The following MAPK10 variants were observed in gnomAD, a reference collection of about 807,000 sequenced individuals.
MAPK10 encodes mitogen-activated protein kinase 10.
MAPK10 carries 25 observed loss-of-function variants against 59.3 expected under a neutral mutation model. The ratio of observed to expected loss-of-function variants is 0.42; its 90% CI spans 0.31 to 0.59. The LOEUF (loss-of-function observed/expected upper bound fraction) is 0.59, where lower values mean the gene tolerates loss of function less well. Among genes scored for constraint, MAPK10 ranks in the 20% least tolerant of loss-of-function variants. The pLI is 0.15. For missense variants in MAPK10, 351 were observed against 568.9 expected (o/e 0.62, Z 3.90); for synonymous variants, 190 against 200.5 (o/e 0.95, Z 0.44).
intron 2 of MAPK10, among the ~76,000 whole-genome samples, chr4:86,353,835 T>C (rs1393830892): frequency 2.0e-5 from 3 of 152,162 alleles, no homozygotes; most frequent in African/African-American, 7.2e-5. Context: ...ATTTGACAGA[T>C]TATAACTCGT....
chr4:86,447,609 T>G (rs937302232), intron 1 of MAPK10, among the ~76,000 whole-genome samples: 1 of 152,124 alleles, frequency 6.6e-6, no homozygotes, highest in African/African-American at 2.4e-5. Flanking sequence ...TCCTCCTTCC[T>G]CCTTCCAAGC....
At chr4:86,338,856 T>C (rs199665861) in intron 2 of MAPK10, among the ~76,000 whole-genome samples, 2 of 151,672 alleles carry the variant, frequency 1.3e-5, no homozygotes, top group Non-Finnish European at 2.9e-5. Flanking sequence ...TGTTTAGTGT[T>C]AACAAAATTT....
At chr4:86,118,640 C>T (rs1260307409) in intron 4 of MAPK10, among the ~76,000 whole-genome samples, 2 of 151,446 alleles carry the variant, frequency 1.3e-5, no homozygotes. Context: ...ATCTTGTTCT[C>T]AATATATTTA....
intron 1 of MAPK10, among the ~76,000 whole-genome samples, chr4:86,486,821 A>G (rs536681173): frequency 6.6e-6 from 1 of 152,332 alleles, no homozygotes; most frequent in Non-Finnish European, 1.5e-5. Context: ...GAAACCAAAC[A>G]ACATCTTGAT....
chr4:86,017,070 A>T lies in MAPK10; in HGVS notation c.*158T>A. 1 of 761,158 alleles carries T rather than the reference A, an allele frequency of 1.3e-6. No homozygotes were observed. Among genetic ancestry groups the T allele is most frequent in the South Asian group, 1.9e-5 (1 of 53,528 alleles). 47.2% of individuals were successfully genotyped at this position (761,158 alleles called of 1,614,324 possible). On this transcript the variant is annotated 3_prime_UTR_variant, in exon 14 of 14. Transcript: ENST00000641462. The surrounding 1 kb of genome is among the most constrained non-coding windows in gnomAD (Gnocchi z 4.4). ...CAATACAGAACCCTGGGGAAGAAGC[A>T]GGCTGAAAGATTTATTTAATTTTAG... is the stretch of plus-strand genomic sequence containing the variant.
At chr4:86,478,847 G>C (rs576804172) in intron 1 of MAPK10, among the ~76,000 whole-genome samples, 3 of 152,260 alleles carry the variant, frequency 2.0e-5, no homozygotes, top group Admixed American at 6.5e-5. Context: ...CAAGCCACTA[G>C]CCTGCCTCTT....
chr4:86,187,502 A>G (rs1408477776), intron 3 of MAPK10, among the ~76,000 whole-genome samples: 1 of 152,138 alleles, frequency 6.6e-6, no homozygotes, highest in African/African-American at 2.4e-5. Context: ...TTTCAATTTA[A>G]TATTTTGAGG....
At chr4:86,455,124 T>C (rs972636729), upstream of MAPK10, among the ~76,000 whole-genome samples, 3 of 152,094 alleles carry the variant, frequency 2.0e-5, no homozygotes, top group African/African-American at 7.2e-5. Context: ...CAAGAATTGC[T>C]AAAAGGAGGT....
At chr4:86,288,010 A>C (rs1445555694) in intron 2 of MAPK10, among the ~76,000 whole-genome samples, 1 of 152,168 alleles carries the variant, frequency 6.6e-6, no homozygotes, top group African/African-American at 2.4e-5. Flanking sequence ...AACATATGGA[A>C]AATGGTATGG....
intron 2 of MAPK10, among the ~76,000 whole-genome samples, chr4:86,199,410 TTTTG>T (rs896552212): frequency 6.6e-5 from 10 of 151,424 alleles, no homozygotes; most frequent in African/African-American, 2.4e-4. Context: ...CATCTCTTTT[TTTTG>T]TTATGTTATA....
In MAPK10 at chr4:86,309,302, A is replaced by G. The variant is rs554149361; in HGVS notation, c.-7+45228T>C. Among the ~76,000 whole-genome samples, 8 of 152,316 alleles carry G rather than the reference A, an allele frequency of 5.3e-5. No individual in the cohort carries two copies. In the East Asian group the frequency reaches 1.5e-3, roughly 29 times the overall value. On this transcript the variant is annotated intron_variant, in intron 2 of 13. Transcript: ENST00000641462. The stretch of plus-strand genomic sequence containing the variant: ...TCAGCGTGAATATCTCTGCCTTTCC[A>G]TCGCTGGGGCAGGCAAACCATGGTC...
chr4:86,261,693 A>T (rs547376974), intron 2 of MAPK10, among the ~76,000 whole-genome samples: 1 of 152,348 alleles, frequency 6.6e-6, no homozygotes, highest in African/African-American at 2.4e-5. Flanking sequence ...ATAGCTTTAG[A>T]CTTTTGTGAC....
chr4:86,579,497 G>A (rs1432527322), intron 1 of MAPK10, among the ~76,000 whole-genome samples: 1 of 141,126 alleles, frequency 7.1e-6, no homozygotes, highest in East Asian at 2.1e-4. Flanking sequence ...ATAAATACAA[G>A]CAAATATGGA....
intron 2 of MAPK10, among the ~76,000 whole-genome samples, chr4:86,315,154 A>G (rs2095754826): frequency 6.6e-6 from 1 of 152,110 alleles, no homozygotes; most frequent in African/African-American, 2.4e-5. Flanking sequence ...AAAGACAAAC[A>G]TCACATGTTC....
chr4:86,474,033 C>T lies in MAPK10; in HGVS notation c.-262-119389G>A, dbSNP rs189391545. The stretch of plus-strand genomic sequence containing the variant: ...CAACTTCGTCCCACATACATTTCCA[C>T]GCATATATATGTACTTTGTTATTCA... On this transcript the variant is annotated intron_variant, in intron 1 of 4. Coordinates refer to the MAPK10 transcript ENST00000502302. 4.5e-4 allele frequency among the ~76,000 whole-genome samples: 68 copies of T among 152,244 alleles called. No individual in the cohort carries two copies. The East Asian group carries it at 0.012, about 28-fold the overall frequency.
At chr4:86,540,286 A>T (rs181081685) in intron 1 of MAPK10, among the ~76,000 whole-genome samples, 1 of 152,334 alleles carries the variant, frequency 6.6e-6, no homozygotes, top group Admixed American at 6.5e-5. Flanking sequence ...AGATCCCTTG[A>T]GCTCAGGAGT....
intron 9 of MAPK10, among the ~76,000 whole-genome samples, chr4:86,070,466 G>C (rs1326287164): frequency 6.7e-6 from 1 of 148,434 alleles, no homozygotes; most frequent in Non-Finnish European, 1.5e-5. Context: ...ATGTATACAT[G>C]TGCCATGCTG....
At chr4:86,578,630 G>A (rs1275741525) in intron 1 of MAPK10, among the ~76,000 whole-genome samples, 1 of 152,092 alleles carries the variant, frequency 6.6e-6, no homozygotes, top group Non-Finnish European at 1.5e-5. Context: ...AACTATTTGT[G>A]AACATTCAAA....
chr4:86,330,763 C>T (rs944467241), intron 2 of MAPK10, among the ~76,000 whole-genome samples: 5 of 151,978 alleles, frequency 3.3e-5, no homozygotes, highest in African/African-American at 7.3e-5. Context: ...TTTATAGGAC[C>T]GTGAGAACCG....
Sources: allele counts gnomAD v4.1 joint callset (sites outside exome capture counted in the v4.1 genomes callset), GRCh38; gene constraint gnomAD v4.1.1; non-coding constraint Gnocchi (gnomAD v3.1); transcripts MANE v1.5; gene names NCBI Gene and HGNC (gene_info 2026-07-23, HGNC 2026-07-21).